The following GREB1L variants were observed in gnomAD, a reference collection of about 807,000 sequenced individuals.
The protein encoded by GREB1L is GREB1-like protein.
In GREB1L, 17 loss-of-function variants were observed where a neutral mutation model predicts 200.8. That is an observed-to-expected ratio of 0.08 (90% confidence interval 0.06 to 0.13). The LOEUF is 0.13. Ranked by LOEUF, GREB1L falls within the 10% of genes least tolerant of loss-of-function variation. GREB1L has a pLI of 1.00. For missense variants in GREB1L, 1,657 were observed against 2,367.7 expected (o/e 0.70, Z 6.23); for synonymous variants, 789 against 893.0 (o/e 0.88, Z 2.08).
chr18:21,244,907 A>G (rs1296271786), intron 1 of GREB1L, among the ~76,000 whole-genome samples: 1 of 152,212 alleles, frequency 6.6e-6, no homozygotes, highest in Non-Finnish European at 1.5e-5. Context: ...TAAAGTGGAA[A>G]TTAACTTTAC....
intron 4 of GREB1L, among the ~76,000 whole-genome samples, chr18:21,391,003 ATAAAGT>A (rs2040779229): frequency 6.6e-6 from 1 of 152,220 alleles, no homozygotes; most frequent in Admixed American, 6.5e-5. Flanking sequence ...TAAAAAGGTG[ATAAAGT>A]TAAAAAGTTA....
chr18:21,508,657 T>A lies in GREB1L; in HGVS notation c.4735+66T>A, dbSNP rs1348191032. 4.4e-6 allele frequency: 6 copies of A among 1,364,178 alleles called. No individual in the cohort carries two copies. The East Asian group carries it at 1.3e-4, about 29-fold the overall frequency. The allele number at this position is 1,364,178 out of a possible 1,614,324, so 84.5% of individuals were successfully genotyped here. A position where few individuals can be genotyped will look rare whatever the true frequency, so the allele number is the denominator to read the frequency against. On this transcript the variant is annotated intron_variant, in intron 27 of 32. Transcript: ENST00000424526. The stretch of plus-strand genomic sequence containing the variant: ...TAAACTGAGCTCCATTCCCCTGGCA[T>A]GAAACTTTCAGATTCCCCTGCCTCT...
intron 9 of GREB1L, 78 bp downstream of exon 9, chr18:21,440,466 A>G: frequency 7.4e-7 from 1 of 1,350,204 alleles, no homozygotes; most frequent in Non-Finnish European, 1.0e-6. Context: ...TCTTTCCCTG[A>G]ATTCTTGACA....
intron 1 of GREB1L, among the ~76,000 whole-genome samples, chr18:21,271,400 G>C (rs112213879): frequency 6.6e-6 from 1 of 151,696 alleles, no homozygotes; most frequent in South Asian, 2.1e-4. Flanking sequence ...TAATCCCAGC[G>C]CGTTGAGAGG....
At position 21,278,393 on chromosome 18, in the gene GREB1L, T is replaced by TAA. The variant is rs571865908; in HGVS notation, c.-120+36002_-120+36003dup. On this transcript the variant is annotated intron_variant, in intron 1 of 32. Transcript: ENST00000424526. ...AAGACTCCATCTCAAAAAAAAAAAA[T>TAA]AAATAAATAAATAAATAAATAAATA... Among the ~76,000 whole-genome samples the TAA allele has an allele frequency of 9.4e-4, 76 of 80,900 alleles. 1 individual carries two copies. The highest frequency in any genetic ancestry group is 2.3e-3 in the Admixed American group (16 of 6,986). 53.1% of individuals were successfully genotyped at this position (80,900 alleles called of 152,430 possible). A position where few individuals can be genotyped will look rare whatever the true frequency, so the allele number is the denominator to read the frequency against.
chr18:21,315,576 T>A (rs2038854808), intron 1 of GREB1L, among the ~76,000 whole-genome samples: 1 of 152,212 alleles, frequency 6.6e-6, no homozygotes, highest in Non-Finnish European at 1.5e-5. Context: ...TGGTAAAGTC[T>A]ATTATGATGT....
Position 21,477,152 on chromosome 18 carries a change from A to G in GREB1L, c.2364-12A>G, listed in dbSNP as rs1293871793. 11 of 1,541,956 alleles carry G rather than the reference A, an allele frequency of 7.1e-6. No individual in the cohort carries two copies. Among genetic ancestry groups the G allele is most frequent in the Admixed American group, 3.9e-5 (2 of 50,700 alleles). The stretch of plus-strand genomic sequence containing the variant: ...AAATGAGGTATTAATATGACTTTCA[A>G]TTTTTCTACAGTGTCATTTCAGGCT... On this transcript the variant is annotated splice_polypyrimidine_tract_variant and intron_variant, in intron 16 of 32. Coordinates refer to ENST00000424526, the MANE Select transcript of GREB1L (RefSeq NM_001142966.3).
At chr18:21,477,582 C>T (rs1226686608) in intron 17 of GREB1L, among the ~76,000 whole-genome samples, 2 of 152,072 alleles carry the variant, frequency 1.3e-5, no homozygotes, top group African/African-American at 2.4e-5. Flanking sequence ...GTCAGGAGAT[C>T]GAGACCATCC....
intron 1 of GREB1L, among the ~76,000 whole-genome samples, chr18:21,364,328 G>A (rs1162234044): frequency 6.6e-6 from 1 of 152,044 alleles, no homozygotes; most frequent in Non-Finnish European, 1.5e-5. Context: ...AGAACAAGTT[G>A]GAGATTTGTA....
chr18:21,414,566 A>G (rs1024272172), intron 7 of GREB1L, among the ~76,000 whole-genome samples: 3 of 152,212 alleles, frequency 2.0e-5, no homozygotes, highest in Non-Finnish European at 4.4e-5. Flanking sequence ...CAGGTAGATG[A>G]TAACATAACT....
chr18:21,470,335 T>C (rs1236305118), intron 15 of GREB1L, among the ~76,000 whole-genome samples: 9 of 152,168 alleles, frequency 5.9e-5, no homozygotes, highest in Non-Finnish European at 1.0e-4. Context: ...TTACATTAAG[T>C]CTCTAGATAA....
At chr18:21,415,595 AAGAG>A (rs1377188724) in intron 7 of GREB1L, among the ~76,000 whole-genome samples, 2 of 152,012 alleles carry the variant, frequency 1.3e-5, no homozygotes, top group African/African-American at 4.8e-5. Flanking sequence ...AAAGGAAAGA[AAGAG>A]AGAAAGAGAA....
chr18:21,509,929 G>A (rs149258124), intron 27 of GREB1L, among the ~76,000 whole-genome samples: 200 of 152,030 alleles, frequency 1.3e-3, no homozygotes, highest in African/African-American at 4.6e-3. Flanking sequence ...TGCCATGGCC[G>A]GGTGCGGTAG....
Position 21,508,000 on chromosome 18 carries a change from T to C in GREB1L, c.4369-118T>C, listed in dbSNP as rs576671321. 71 of 936,042 alleles carry C rather than the reference T, an allele frequency of 7.6e-5. 3 individuals carry two copies. In the South Asian group the frequency reaches 1.2e-3, roughly 15 times the overall value. 58.0% of individuals were successfully genotyped at this position (936,042 alleles called of 1,614,324 possible). A position where few individuals can be genotyped will look rare whatever the true frequency, so the allele number is the denominator to read the frequency against. On this transcript the variant is annotated intron_variant, in intron 25 of 32. Transcript: ENST00000424526. The stretch of plus-strand genomic sequence containing the variant: ...CGTGGCTGCTCACAGCCTGCTCTGG[T>C]GGCACTTACCAGTTCATGTTAGTTT...
At chr18:21,516,824 T>C in intron 30 of GREB1L, 70 bp downstream of exon 30, 2 of 1,391,730 alleles carry the variant, frequency 1.4e-6, no homozygotes, top group East Asian at 2.5e-5. Context: ...TGTTATTAGA[T>C]GTTGGCATTA....
intron 31 of GREB1L, among the ~76,000 whole-genome samples, chr18:21,520,476 A>G (rs2037572005): frequency 6.6e-6 from 1 of 152,126 alleles, no homozygotes; most frequent in Non-Finnish European, 1.5e-5. Context: ...CATAAATAAG[A>G]GAAGCTTTAA....
chr18:21,330,299 C>T (rs976976276), intron 1 of GREB1L, among the ~76,000 whole-genome samples: 5 of 152,298 alleles, frequency 3.3e-5, no homozygotes, highest in South Asian at 2.1e-4. Flanking sequence ...TCACAGGGTG[C>T]GTCCAGAACT....
intron 1 of GREB1L, among the ~76,000 whole-genome samples, chr18:21,284,444 G>T (rs928994070): frequency 5.9e-5 from 9 of 152,220 alleles, no homozygotes; most frequent in Admixed American, 4.6e-4. Context: ...GGGGGCTTTT[G>T]TGACGGGCTT....
At chr18:21,291,034 A>G (rs1404163435) in intron 1 of GREB1L, among the ~76,000 whole-genome samples, 2 of 152,046 alleles carry the variant, frequency 1.3e-5, no homozygotes, top group African/African-American at 2.4e-5. Flanking sequence ...CTCTAAACAT[A>G]GTTCTATATT....
Sources: gnomAD v4.1 joint callset for allele counts (sites outside exome capture counted in the v4.1 genomes callset) on GRCh38, gnomAD v4.1.1 for gene constraint, MANE v1.5 for transcripts, NCBI Gene and HGNC (gene_info 2026-07-23, HGNC 2026-07-21) for gene names.